Variants in ACACA observed in about 807,000 individuals in gnomAD.
The protein encoded by ACACA is acetyl-CoA carboxylase 1.
A neutral mutation model predicts 296.1 loss-of-function variants in ACACA; 103 were observed. That is an observed-to-expected ratio of 0.35 (90% CI 0.30 to 0.41). The LOEUF (loss-of-function observed/expected upper bound fraction) is 0.41, where lower values mean the gene tolerates loss of function less well. Ranked by LOEUF, ACACA falls within the 10% of genes least tolerant of loss-of-function variation. ACACA has a pLI of 1.00. For missense variants in ACACA, 1,554 were observed against 2,989.7 expected, an observed-to-expected ratio of 0.52 and a Z score of 11.20; for synonymous variants, 953 against 1,038.6, an observed-to-expected ratio of 0.92 and a Z score of 1.58.
At chr17:37,223,913 T>C (rs956083915) in intron 27 of ACACA, among the ~76,000 whole-genome samples, 2 of 152,228 alleles carry the variant, frequency 1.3e-5, no homozygotes, top group African/African-American at 4.8e-5. Context: ...TCTCTAAATA[T>C]TGTCTTCACC....
At chr17:37,203,460 C>T (rs2078363115) in intron 33 of ACACA, among the ~76,000 whole-genome samples, 1 of 151,662 alleles carries the variant, frequency 6.6e-6, no homozygotes, top group Non-Finnish European at 1.5e-5. Context: ...AAGACTCTTC[C>T]AGGCCGGGCG....
intron 1 of ACACA, among the ~76,000 whole-genome samples, chr17:37,354,506 G>T (rs1288626773): frequency 1.3e-5 from 2 of 152,130 alleles, no homozygotes; most frequent in African/African-American, 4.8e-5. Context: ...ATATCAATCA[G>T]ATTTATACAG....
intron 48 of ACACA, among the ~76,000 whole-genome samples, chr17:37,123,422 A>G (rs1482660039): frequency 6.6e-6 from 1 of 152,228 alleles, no homozygotes; most frequent in African/African-American, 2.4e-5. Flanking sequence ...GTCCTCATAA[A>G]GATTTTCTAG....
rs750269559 is a variant in ACACA, at chr17:37,248,072, C to G, written c.2248G>C (p.Gly750Arg). The G allele has an allele frequency of 6.2e-7, 1 of 1,614,084 alleles. No homozygotes were observed. The highest frequency in any genetic ancestry group is 8.5e-7 in the Non-Finnish European group (1 of 1,180,004). ...EVDVHRLSDG[G>R]LLLSYDGSSY... The stretch of plus-strand genomic sequence containing the variant: ...CTGCCATCATAGGACAAGAGCAGTC[C>G]ACCGTCACTCAGCCGATGTACATCT... The change falls in exon 18 of 56, where the codon GGA (glycine) becomes CGA (arginine). Residue 750 changes from glycine to arginine, a missense_variant. Transcript: ENST00000616317.
At chr17:37,128,761 C>T (rs548495773) in intron 47 of ACACA, among the ~76,000 whole-genome samples, 1 of 152,190 alleles carries the variant, frequency 6.6e-6, no homozygotes, top group African/African-American at 2.4e-5. Context: ...TATTCTCACT[C>T]CATGTATCTA....
intron 24 of ACACA, among the ~76,000 whole-genome samples, chr17:37,237,645 C>T (rs528634178): frequency 6.6e-6 from 1 of 152,158 alleles, no homozygotes; most frequent in East Asian, 1.9e-4. Context: ...TATCTTTTGC[C>T]CATTTCTCTA....
At chr17:37,180,395 C>T (rs986462694) in intron 40 of ACACA, among the ~76,000 whole-genome samples, 18 of 152,138 alleles carry the variant, frequency 1.2e-4, no homozygotes, top group Admixed American at 5.2e-4. Context: ...CTATTTACTA[C>T]GGCTACATAT....
intron 25 of ACACA, among the ~76,000 whole-genome samples, chr17:37,231,110 A>G (rs2079838158): frequency 6.6e-6 from 1 of 152,136 alleles, no homozygotes; most frequent in Non-Finnish European, 1.5e-5. Context: ...ACAGTGGCTC[A>G]TGCCTGTAGT....
intron 3 of ACACA, among the ~76,000 whole-genome samples, chr17:37,325,579 CTTTTTTTTTTTTTT>C (rs1156553256): frequency 5.6e-4 from 38 of 67,930 alleles, no homozygotes; most frequent in African/African-American, 6.9e-4. Flanking sequence ...TCTTTTCTTT[CTTTTTTTTTTTTTT>C]TTTTTTTTTT....
intron 1 of ACACA, among the ~76,000 whole-genome samples, chr17:37,364,657 T>C (rs2049544553): frequency 6.6e-6 from 1 of 151,930 alleles, no homozygotes; most frequent in South Asian, 2.1e-4. Flanking sequence ...CCTGGGGCTG[T>C]CTGACCATGA....
intron 3 of ACACA, among the ~76,000 whole-genome samples, chr17:37,290,363 T>C (rs2146702411): frequency 6.6e-6 from 1 of 152,316 alleles, no homozygotes; most frequent in African/African-American, 2.4e-5. Context: ...CAAACATTTT[T>C]GAATGGTGAT....
chr17:37,257,553 A>G, intron 14 of ACACA, 150 bp downstream of exon 14: 1 of 708,504 alleles, frequency 1.4e-6, no homozygotes, highest in South Asian at 1.8e-5. Flanking sequence ...CATGAATGCA[A>G]GTGTAATTAA....
intron 20 of ACACA, 100 bp from the exon 21 acceptor site, chr17:37,244,834 T>C: frequency 6.6e-6 from 10 of 1,515,242 alleles, no homozygotes; most frequent in East Asian, 2.3e-5. Context: ...CGAGACATCA[T>C]ACCCAGCTAC....
chr17:37,393,819 G>GAA (rs5820211), intron 1 of ACACA, among the ~76,000 whole-genome samples: 1 of 134,146 alleles, frequency 7.5e-6, no homozygotes. Flanking sequence ...CTGTCTCAAA[G>GAA]AAAAAAAAAA....
intron 3 of ACACA, among the ~76,000 whole-genome samples, chr17:37,321,942 C>CA (rs35332296): frequency 0.046 from 3,954 of 86,796 alleles, 102 homozygotes; most frequent in African/African-American, 0.083. Flanking sequence ...GACTCCATCT[C>CA]AAAAAAAAAA....
chr17:37,389,013 T>TAGTTATAAAG (rs1456966515), intron 1 of ACACA, among the ~76,000 whole-genome samples: 1 of 152,164 alleles, frequency 6.6e-6, no homozygotes, highest in Non-Finnish European at 1.5e-5. Flanking sequence ...CCTCTCATGG[T>TAGTTATAAAG]AGTTATAAAG....
Position 37,161,762 on chromosome 17 carries a change from A to G in ACACA, c.5349+19T>C, listed in dbSNP as rs776923354. 6.2e-7 allele frequency: 1 copy of G among 1,606,702 alleles called. No individual in the cohort carries two copies. Among genetic ancestry groups the G allele is most frequent in the South Asian group, 1.1e-5 (1 of 91,080 alleles). On this transcript the variant is annotated intron_variant, in intron 42 of 55. Coordinates refer to ENST00000616317, the MANE Select transcript of ACACA (RefSeq NM_198834.3). ...TAACCATATAGCACCTTGAAGTAGT[A>G]TATGCTCTTAGTGTGTACCTTGTAA...
chr17:37,337,423 A>AG (rs2048173568), intron 2 of ACACA, among the ~76,000 whole-genome samples: 1 of 147,438 alleles, frequency 6.8e-6, no homozygotes, highest in Non-Finnish European at 1.5e-5. Flanking sequence ...CTCAAAAAAA[A>AG]AAAAAAAAAG....
intron 2 of ACACA, among the ~76,000 whole-genome samples, chr17:37,334,056 C>T (rs1475594950): frequency 6.6e-6 from 1 of 151,894 alleles, no homozygotes; most frequent in Non-Finnish European, 1.5e-5. Flanking sequence ...CAATATCACT[C>T]ACACTGCGCC....
Sources: allele counts gnomAD v4.1 joint callset (sites outside exome capture counted in the v4.1 genomes callset), GRCh38; gene constraint gnomAD v4.1.1; transcripts MANE v1.5; gene names NCBI Gene and HGNC (gene_info 2026-07-23, HGNC 2026-07-21).